The following PRKG1 variants were observed in gnomAD, a reference collection of about 807,000 sequenced individuals.
PRKG1 encodes the protein protein kinase cGMP-dependent 1.
In PRKG1, 35 loss-of-function variants were observed where a neutral mutation model predicts 88.1. The ratio of observed to expected loss-of-function variants is 0.40; its 90% CI spans 0.30 to 0.53. PRKG1 has a LOEUF of 0.53. PRKG1 is among the 20% of genes least tolerant of loss of function. The probability of loss-of-function intolerance (pLI) is 0.59; values close to 1 mark genes in which losing one functional copy is unlikely to be tolerated. For synonymous variants in PRKG1, 303 were observed against 292.5 expected, an observed-to-expected ratio of 1.04 and a Z score of -0.37; for missense variants, 540 against 839.8, an observed-to-expected ratio of 0.64 and a Z score of 4.41.
intron 2 of PRKG1, among the ~76,000 whole-genome samples, chr10:51,346,811 A>G (rs1001662721): frequency 3.9e-5 from 6 of 152,230 alleles, no homozygotes; most frequent in Non-Finnish European, 7.3e-5. Flanking sequence ...TGGAAGTATT[A>G]TAGAATACTA....
At chr10:51,393,918 G>A (rs1837507636) in intron 2 of PRKG1, among the ~76,000 whole-genome samples, 2 of 152,088 alleles carry the variant, frequency 1.3e-5, no homozygotes. Flanking sequence ...TTAAATGTTA[G>A]TTAGAAGTAA....
At chr10:52,240,238 G>A (rs1840824460) in intron 9 of PRKG1, among the ~76,000 whole-genome samples, 1 of 152,140 alleles carries the variant, frequency 6.6e-6, no homozygotes, top group Admixed American at 6.6e-5. Context: ...TTGAAACGCT[G>A]TGATGAAAAT....
intron 5 of PRKG1, among the ~76,000 whole-genome samples, chr10:51,945,345 G>C (rs1218774893): frequency 1.3e-5 from 2 of 151,402 alleles, no homozygotes; most frequent in African/African-American, 4.9e-5. Flanking sequence ...GAGCCTATGT[G>C]TGTCTCTGCA....
intron 8 of PRKG1, among the ~76,000 whole-genome samples, chr10:52,142,427 T>C (rs575384032): frequency 1.3e-5 from 2 of 152,240 alleles, no homozygotes; most frequent in African/African-American, 4.8e-5. Flanking sequence ...AATGAATAAA[T>C]CGTATGATAG....
chr10:51,425,465 G>C (rs1224624768), intron 2 of PRKG1, among the ~76,000 whole-genome samples: 1 of 152,190 alleles, frequency 6.6e-6, no homozygotes, highest in Non-Finnish European at 1.5e-5. Context: ...CATGGTGGGA[G>C]AGATTTTCTT....
intron 3 of PRKG1, among the ~76,000 whole-genome samples, chr10:51,709,366 T>C (rs1416837653): frequency 6.6e-6 from 1 of 152,240 alleles, no homozygotes; most frequent in Non-Finnish European, 1.5e-5. Flanking sequence ...CAACAATTCT[T>C]TCAGTTATTA....
At chr10:51,974,832 A>G (rs1230474007) in intron 5 of PRKG1, among the ~76,000 whole-genome samples, 3 of 152,122 alleles carry the variant, frequency 2.0e-5, no homozygotes, top group African/African-American at 7.2e-5. Context: ...TCTAAAAGAT[A>G]ATAAGGCCCT....
rs1255563416 is a variant in PRKG1, at chr10:52,161,929, A to G, written c.1042A>G (p.Asn348Asp). 2 of 1,612,536 alleles carry G rather than the reference A, an allele frequency of 1.2e-6. No homozygotes were observed. Among genetic ancestry groups the G allele is most frequent in the East Asian group, 2.2e-5 (1 of 44,752 alleles). ...GATTGGAGGGCTGGATGATGTTTCT[A>G]ATAAAGCATATGAAGATGCAGAAGC... The part of the protein sequence containing the change: ...HLIGGLDDVS[N>D]KAYEDAEAKA... The change falls in exon 9 of 18, where the codon AAT becomes GAT. Residue 348 changes from asparagine (N) to aspartate (D), a missense_variant. By Grantham distance (23) the Asn-to-Asp change is conservative. Transcript: ENST00000373980.
chr10:52,054,546 C>A lies in PRKG1; in HGVS notation c.825C>A (p.Ile275=). 6.2e-7 allele frequency: 1 copy of A among 1,613,826 alleles called. No individual in the cohort carries two copies. Among genetic ancestry groups the A allele is most frequent in the Non-Finnish European group, 8.5e-7 (1 of 1,179,848 alleles). Residue 275 remains isoleucine (I), a synonymous_variant, in exon 6 of 18, where the codon ATC becomes ATA. Coordinates refer to ENST00000373980, the MANE Select transcript of PRKG1 (RefSeq NM_006258.4). ...GTGCAAGAGGGGACACCTTCTTTAT[C>A]ATCAGCAAAGGAACGGTAAGCTTTG... ...RQGARGDTFF[I]ISKGTVNVTR...
chr10:52,251,813 A>C (rs1841179380), intron 10 of PRKG1, 147 bp downstream of exon 10: 1 of 666,388 alleles, frequency 1.5e-6, no homozygotes, highest in African/African-American at 1.8e-5. Context: ...ACTTTGCGGC[A>C]GACATGTCAT....
chr10:52,032,237 T>C lies in PRKG1; in HGVS notation c.763-22247T>C, dbSNP rs115481654. Among the ~76,000 whole-genome samples the C allele has an allele frequency of 6.6e-3, 1,004 of 152,344 alleles. 14 individuals carry two copies. The highest frequency in any genetic ancestry group is 0.022 in the African/African-American group (935 of 41,576). ...CATTGTTACTAACCTGTTCTTTTTT[T>C]TCTTTCTTAGACTAAGGAAAACTGT... is the stretch of plus-strand genomic sequence containing the variant. On this transcript the variant is annotated intron_variant, in intron 5 of 17. Transcript: ENST00000373980.
chr10:50,992,894 C>T (rs1167521188), intron 1 of PRKG1, among the ~76,000 whole-genome samples: 2 of 152,148 alleles, frequency 1.3e-5, no homozygotes, highest in Non-Finnish European at 2.9e-5. Context: ...TGCCCGCCTA[C>T]CTCTCTTAAT....
At chr10:51,897,867 ATT>A in intron 4 of PRKG1, among the ~76,000 whole-genome samples, 1 of 149,454 alleles carries the variant, frequency 6.7e-6, no homozygotes, top group Non-Finnish European at 1.5e-5. Flanking sequence ...TGGCAGAAGG[ATT>A]TTTTTTTTTC....
At chr10:51,094,172 T>A (rs975526528) in intron 1 of PRKG1, among the ~76,000 whole-genome samples, 2 of 151,976 alleles carry the variant, frequency 1.3e-5, no homozygotes, top group Non-Finnish European at 2.9e-5. Context: ...TAGCATAGTA[T>A]CTAGGGCATA....
At chr10:51,324,476 G>C (rs574254626) in intron 2 of PRKG1, among the ~76,000 whole-genome samples, 243 of 151,928 alleles carry the variant, frequency 1.6e-3, no homozygotes, top group Non-Finnish European at 3.2e-3. Flanking sequence ...GGCCGGGCGC[G>C]GTGGCTCACG....
At chr10:51,713,547 C>T (rs1489681065) in intron 3 of PRKG1, among the ~76,000 whole-genome samples, 2 of 152,098 alleles carry the variant, frequency 1.3e-5, no homozygotes, top group African/African-American at 2.4e-5. Context: ...TTAATTTAAG[C>T]TGTTTTACAT....
At chr10:51,023,405 C>A (rs1301639913) in intron 1 of PRKG1, among the ~76,000 whole-genome samples, 1 of 152,172 alleles carries the variant, frequency 6.6e-6, no homozygotes, top group Non-Finnish European at 1.5e-5. Context: ...AAAGTCATGG[C>A]CCTTTTCACA....
chr10:51,968,908 A>G (rs1589467009), intron 5 of PRKG1, among the ~76,000 whole-genome samples: 1 of 152,082 alleles, frequency 6.6e-6, no homozygotes, highest in African/African-American at 2.4e-5. Context: ...CTGCACTTCA[A>G]TGAGAACACT....
At chr10:51,889,331 T>A (rs1589391719) in intron 4 of PRKG1, among the ~76,000 whole-genome samples, 2 of 151,522 alleles carry the variant, frequency 1.3e-5, no homozygotes, top group South Asian at 4.2e-4. Flanking sequence ...GTCCTTGAGA[T>A]AGTTTGCTGA....
Sources: gnomAD v4.1 joint callset for allele counts (sites outside exome capture counted in the v4.1 genomes callset) on GRCh38, gnomAD v4.1.1 for gene constraint, MANE v1.5 for transcripts, NCBI Gene and HGNC (gene_info 2026-07-23, HGNC 2026-07-21) for gene names.